CCDC178: variants seen among roughly 807,000 people sequenced by gnomAD.
The protein encoded by CCDC178 is coiled-coil domain containing 178.
CCDC178 carries 126 observed loss-of-function variants against 117.4 expected under a neutral mutation model. The observed-to-expected ratio is 1.07, with a 90% confidence interval of 0.93 to 1.24. The LOEUF (loss-of-function observed/expected upper bound fraction) is 1.24, where lower values mean the gene tolerates loss of function less well. Ranked by LOEUF, CCDC178 falls within the 50% of genes most tolerant of loss-of-function variation. CCDC178 has a pLI of 0.00. For synonymous variants in CCDC178, 283 were observed against 313.4 expected (o/e 0.90, Z 1.02); for missense variants, 1,030 against 986.9 (o/e 1.04, Z -0.59).
intron 15 of CCDC178, among the ~76,000 whole-genome samples, chr18:33,230,624 A>T (rs1049119514): frequency 3.3e-5 from 5 of 152,162 alleles, no homozygotes; most frequent in African/African-American, 1.2e-4. Context: ...TTATTTTTTA[A>T]AAAAAATCTT....
intron 15 of CCDC178, among the ~76,000 whole-genome samples, chr18:33,244,941 T>G (rs911169267): frequency 6.6e-6 from 1 of 151,912 alleles, no homozygotes. Context: ...GCAGACATTA[T>G]TATGTGTTAG....
rs577864216 is a variant in CCDC178 at position 33,391,326 on chromosome 18, T to A, written c.119-1697A>T. On this transcript the variant is annotated intron_variant, in intron 4 of 22. Transcript: ENST00000383096. ...CATATTGTATTAGAAAAAAATCTTA[T>A]TTTTTAACATAAAGAGAAATTTAGA... is the stretch of plus-strand genomic sequence containing the variant. Among the ~76,000 whole-genome samples the A allele has an allele frequency of 5.9e-5, 9 of 152,052 alleles. No individual in the cohort carries two copies. The East Asian group carries it at 1.5e-3, about 26-fold the overall frequency.
At chr18:33,030,015 A>G (rs2056305033) in intron 21 of CCDC178, among the ~76,000 whole-genome samples, 1 of 152,010 alleles carries the variant, frequency 6.6e-6, no homozygotes, top group African/African-American at 2.4e-5. Flanking sequence ...AAAGTCTTCT[A>G]TCTCCTTGTT....
chr18:33,021,409 A>T (rs1225091921), intron 21 of CCDC178, among the ~76,000 whole-genome samples: 1 of 152,156 alleles, frequency 6.6e-6, no homozygotes, highest in Admixed American at 6.6e-5. Context: ...CTATGTTAAA[A>T]ATAACAGGCC....
chr18:33,178,739 T>C (rs1162946889), intron 20 of CCDC178, among the ~76,000 whole-genome samples: 2 of 152,082 alleles, frequency 1.3e-5, no homozygotes, highest in Non-Finnish European at 2.9e-5. Flanking sequence ...TATCATATAC[T>C]GTTTCTACCT....
At chr18:33,049,469 T>C (rs2056704966) in intron 21 of CCDC178, among the ~76,000 whole-genome samples, 1 of 152,090 alleles carries the variant, frequency 6.6e-6, no homozygotes, top group East Asian at 1.9e-4. Context: ...CTTTTTACCC[T>C]GTTTTGTTTA....
At chr18:33,045,792 C>T (rs1488582788) in intron 21 of CCDC178, among the ~76,000 whole-genome samples, 1 of 152,120 alleles carries the variant, frequency 6.6e-6, no homozygotes, top group Non-Finnish European at 1.5e-5. Flanking sequence ...TTAGGCTGGG[C>T]ACGGTGACTG....
chr18:33,043,876 G>A (rs886809279), intron 21 of CCDC178, among the ~76,000 whole-genome samples: 3 of 151,646 alleles, frequency 2.0e-5, no homozygotes, highest in African/African-American at 7.3e-5. Flanking sequence ...CGCCGTAATA[G>A]TTTAATTCAA....
chr18:33,376,321 C>T (rs938884719), intron 5 of CCDC178, among the ~76,000 whole-genome samples: 2 of 152,192 alleles, frequency 1.3e-5, no homozygotes, highest in Non-Finnish European at 2.9e-5. Flanking sequence ...CTTTTTTGCC[C>T]TGCTCATACC....
rs1460414520 is a variant in CCDC178 at position 33,226,804 on chromosome 18, T to C, written c.1645A>G (p.Met549Val). The C allele has an allele frequency of 4.4e-6, 7 of 1,584,738 alleles. No individual in the cohort carries two copies. The highest frequency in any genetic ancestry group is 3.5e-5 in the Admixed American group (2 of 57,566). The change falls in exon 16 of 23, where the codon ATG becomes GTG. Residue 549 changes from methionine (M) to valine (V), a missense_variant. Physicochemically the swap from Met to Val is conservative, Grantham distance 21. Transcript: ENST00000383096. Reference sequence around the variant, plus strand: ...CAAATCAGTATTACCTGAAGCACCATTCCAGCAGCCACTTCACCTTGAGTG... The same window carrying C: ...CAAATCAGTATTACCTGAAGCACCACTCCAGCAGCCACTTCACCTTGAGTG... ...KLTQGEVAAG[M>V]VLQKKLYSIY...
chr18:33,174,666 C>T (rs1431262108), intron 20 of CCDC178, among the ~76,000 whole-genome samples: 2 of 152,068 alleles, frequency 1.3e-5, no homozygotes, highest in African/African-American at 2.4e-5. Flanking sequence ...ATGTCAACGC[C>T]ATTCCATTTT....
chr18:32,947,437 C>A (rs1193735115), intron 22 of CCDC178, among the ~76,000 whole-genome samples: 1 of 152,094 alleles, frequency 6.6e-6, no homozygotes, highest in Non-Finnish European at 1.5e-5. Context: ...TTTTAATTTG[C>A]CTTTCATAAA....
chr18:33,419,015 A>T (rs970707857), intron 2 of CCDC178, among the ~76,000 whole-genome samples: 1 of 151,350 alleles, frequency 6.6e-6, no homozygotes, highest in Non-Finnish European at 1.5e-5. Context: ...AACCAAAAAA[A>T]TAAAAAAATC....
At chr18:33,060,736 A>G (rs1355068601) in intron 21 of CCDC178, among the ~76,000 whole-genome samples, 1 of 152,136 alleles carries the variant, frequency 6.6e-6, no homozygotes, top group Admixed American at 6.5e-5. Flanking sequence ...CTCTTTGAGA[A>G]AAACAGTAAT....
intron 5 of CCDC178, among the ~76,000 whole-genome samples, chr18:33,386,755 A>G (rs2063497978): frequency 6.6e-6 from 1 of 152,160 alleles, no homozygotes. Flanking sequence ...CCCACAGTCA[A>G]TATCATACTA....
intron 20 of CCDC178, among the ~76,000 whole-genome samples, chr18:33,126,152 T>C (rs1320664600): frequency 4.6e-5 from 7 of 152,202 alleles, no homozygotes; most frequent in African/African-American, 1.7e-4. Flanking sequence ...CAAGTGATTA[T>C]GGTAACTTGG....
intron 11 of CCDC178, among the ~76,000 whole-genome samples, chr18:33,319,651 C>T (rs531371887): frequency 1.3e-5 from 2 of 152,310 alleles, no homozygotes; most frequent in Non-Finnish European, 2.9e-5. Context: ...AGTTTACAGT[C>T]CCACCAACAG....
intron 4 of CCDC178, among the ~76,000 whole-genome samples, chr18:33,391,081 T>C (rs1427004562): frequency 1.3e-5 from 2 of 151,070 alleles, no homozygotes; most frequent in Non-Finnish European, 3.0e-5. Context: ...ATAGCTATTA[T>C]AATATATAAA....
At chr18:33,284,990 AAAG>A in intron 12 of CCDC178, among the ~76,000 whole-genome samples, 1 of 152,168 alleles carries the variant, frequency 6.6e-6, no homozygotes, top group East Asian at 1.9e-4. Context: ...GTAAAAAGTG[AAAG>A]AATAAGCCTA....
Sources: gnomAD v4.1 joint callset for allele counts (sites outside exome capture counted in the v4.1 genomes callset) on GRCh38, gnomAD v4.1.1 for gene constraint, MANE v1.5 for transcripts, NCBI Gene and HGNC (gene_info 2026-07-23, HGNC 2026-07-21) for gene names.